Variants in DIAPH2 observed in about 807,000 individuals in gnomAD.
The protein encoded by DIAPH2 is diaphanous related formin 2, also known as protein diaphanous homolog 2.
Under a neutral mutation model 92.7 loss-of-function variants are expected in DIAPH2, and 35 were observed. The ratio of observed to expected loss-of-function variants is 0.38; its 90% CI spans 0.29 to 0.50. DIAPH2 has a LOEUF of 0.50. Ranked by LOEUF, DIAPH2 falls within the 20% of genes least tolerant of loss-of-function variation. DIAPH2 has a pLI of 0.94. For synonymous variants in DIAPH2, 301 were observed against 280.4 expected (o/e 1.07, Z -0.73); for missense variants, 701 against 819.5 (o/e 0.86, Z 1.77).
At chrX:97,370,581 G>T (rs1449878128) in intron 24 of DIAPH2, among the ~76,000 whole-genome samples, 3 of 111,889 alleles carry the variant, frequency 2.7e-5, no homozygotes, top group Admixed American at 1.9e-4. Context: ...TTAATTGAAG[G>T]ATAATGATAT....
At chrX:97,497,539 C>A (rs1417661182) in intron 26 of DIAPH2, among the ~76,000 whole-genome samples, 1 of 110,114 alleles carries the variant, frequency 9.1e-6, no homozygotes. Flanking sequence ...GGCACAGTGG[C>A]TCATGTCTGT....
intron 17 of DIAPH2, among the ~76,000 whole-genome samples, chrX:97,058,072 T>G (rs1020541454): frequency 4.5e-5 from 5 of 111,617 alleles, no homozygotes; most frequent in Non-Finnish European, 9.4e-5. Context: ...TTTGGGTCAT[T>G]GTATCACCTT....
intron 1 of DIAPH2, among the ~76,000 whole-genome samples, chrX:96,728,774 CTT>C (rs982245332): frequency 4.4e-5 from 5 of 112,667 alleles, no homozygotes; most frequent in African/African-American, 1.6e-4. Context: ...CTAAATCTAG[CTT>C]TTTCATTTCT....
chrX:97,093,443 G>A (rs1056615243), intron 19 of DIAPH2, among the ~76,000 whole-genome samples: 10 of 111,420 alleles, frequency 9.0e-5, no homozygotes, highest in South Asian at 3.9e-4. Context: ...GTACCCACCC[G>A]CGTCTGCCTA....
rs941340560 is a variant in DIAPH2, at chrX:97,209,871, A to C, written c.2720-37844A>C. Among the ~76,000 whole-genome samples the C allele has an allele frequency of 3.6e-5, 4 of 110,525 alleles. No homozygotes were observed. In the South Asian group the frequency reaches 1.5e-3, roughly 42 times the overall value. The stretch of plus-strand genomic sequence containing the variant: ...CTTCTTAATGATTTTAACGGAAATC[A>C]CTTCTTTTTTTTATATTTATAAGCA... On this transcript the variant is annotated intron_variant, in intron 22 of 26. Transcript: ENST00000324765.
At chrX:97,238,049 G>T (rs920479132) in intron 22 of DIAPH2, among the ~76,000 whole-genome samples, 5 of 112,109 alleles carry the variant, frequency 4.5e-5, no homozygotes, top group African/African-American at 1.6e-4. Context: ...AGTATTTGCT[G>T]CAGGCAGAAT....
At chrX:97,435,945 C>T (rs2070180963) in intron 26 of DIAPH2, among the ~76,000 whole-genome samples, 1 of 109,429 alleles carries the variant, frequency 9.1e-6, no homozygotes. Context: ...GTAGCTGGGA[C>T]TACAGGGCCT....
At chrX:96,969,094 T>G (rs1043478927) in intron 17 of DIAPH2, among the ~76,000 whole-genome samples, 1 of 112,405 alleles carries the variant, frequency 8.9e-6, no homozygotes, top group Non-Finnish European at 1.9e-5. Flanking sequence ...GTGTCTATTT[T>G]TGTACCAGTA....
chrX:97,349,476 T>C (rs1301787016), intron 24 of DIAPH2, among the ~76,000 whole-genome samples: 1 of 111,461 alleles, frequency 9.0e-6, no homozygotes, highest in African/African-American at 3.3e-5. Context: ...CCCAAAGCAG[T>C]ACTTTCTTTG....
At chrX:97,194,195 A>G (rs5967132) in intron 22 of DIAPH2, among the ~76,000 whole-genome samples, 8,205 of 111,137 alleles carry the variant, frequency 0.074, 737 homozygotes, top group African/African-American at 0.26. Context: ...CTCTTTGCAT[A>G]TTAGTATTAA....
chrX:96,962,496 C>CACACAT (rs1447350119), intron 16 of DIAPH2, among the ~76,000 whole-genome samples: 1 of 44,763 alleles, frequency 2.2e-5, no homozygotes, highest in African/African-American at 8.9e-5. Flanking sequence ...CACACACACA[C>CACACAT]ATATATATAT....
chrX:96,805,867 T>C (rs73547798), intron 4 of DIAPH2, among the ~76,000 whole-genome samples: 2,490 of 112,330 alleles, frequency 0.022, 63 homozygotes, highest in African/African-American at 0.076. Flanking sequence ...ACGTTTCTTC[T>C]GATGTTATTA....
chrX:96,965,234 T>C (rs2065887371), intron 17 of DIAPH2, 27 bp downstream of exon 17: 2 of 1,071,010 alleles, frequency 1.9e-6, no homozygotes, highest in Admixed American at 2.9e-5. Context: ...AAAATATAAG[T>C]TCCCGATTCA....
At chrX:97,225,027 G>T (rs2067954431) in intron 22 of DIAPH2, among the ~76,000 whole-genome samples, 1 of 110,578 alleles carries the variant, frequency 9.0e-6, no homozygotes, top group South Asian at 3.9e-4. Context: ...TGAATCAATT[G>T]TGCTTATTCT....
intron 26 of DIAPH2, among the ~76,000 whole-genome samples, chrX:97,597,334 C>T (rs899448892): frequency 3.6e-5 from 4 of 111,961 alleles, no homozygotes; most frequent in African/African-American, 6.5e-5. Flanking sequence ...TGTTTTGACC[C>T]GAAACTTTGT....
At chrX:97,290,040 C>A (rs1462487431) in intron 23 of DIAPH2, among the ~76,000 whole-genome samples, 1 of 104,062 alleles carries the variant, frequency 9.6e-6, no homozygotes, top group Non-Finnish European at 2.0e-5. Context: ...CTCATCCCTT[C>A]CACTCTTATT....
Position 97,287,723 on chromosome X carries a change from T to TAAA in DIAPH2, c.2844+39899_2844+39901dup, listed in dbSNP as rs746109496. 7.0e-3 allele frequency among the ~76,000 whole-genome samples: 607 copies of TAAA among 86,217 alleles called. 23 individuals are homozygous for TAAA. The highest frequency in any genetic ancestry group is 0.066 in the Admixed American group (494 of 7,470). The allele number at this position is 86,217 out of a possible 115,157, so 74.9% of individuals were successfully genotyped here. ...AAAGAAGTTTTAAAAGTCAATTATT[T>TAAA]AAAAAAAAAAAAAAAAAGTAAAGAA... On this transcript the variant is annotated intron_variant, in intron 23 of 26. Coordinates refer to ENST00000324765, the MANE Select transcript of DIAPH2 (RefSeq NM_006729.5).
At chrX:97,331,619 T>C (rs1489822763) in intron 23 of DIAPH2, among the ~76,000 whole-genome samples, 1 of 112,318 alleles carries the variant, frequency 8.9e-6, no homozygotes, top group Non-Finnish European at 1.9e-5. Context: ...ATTACCTATA[T>C]TGAATAAATT....
rs754739119 is a variant in DIAPH2 at position 97,570,214 on chromosome X, C to T, written c.3242-29039C>T. Among the ~76,000 whole-genome samples, 279 of 94,833 alleles carry T rather than the reference C, an allele frequency of 2.9e-3. 1 individual carries two copies. Among genetic ancestry groups the T allele is most frequent in the African/African-American group, 0.01 (264 of 26,230 alleles). The allele number at this position is 94,833 out of a possible 115,157, so 82.4% of individuals were successfully genotyped here. On this transcript the variant is annotated intron_variant, in intron 26 of 26. Transcript: ENST00000324765. ...GGCCATATGTGTATATGTATATATA[C>T]ACACACACACATATATATATGTATG...
Sources: allele counts gnomAD v4.1 joint callset (sites outside exome capture counted in the v4.1 genomes callset), GRCh38; gene constraint gnomAD v4.1.1; transcripts MANE v1.5; gene names NCBI Gene and HGNC (gene_info 2026-07-23, HGNC 2026-07-21).